The following P2RY12 variants were observed in gnomAD, a reference collection of about 807,000 sequenced individuals.
P2RY12 encodes P2Y purinoceptor 12.
A neutral mutation model predicts 4.5 loss-of-function variants in P2RY12; 3 were observed. The observed-to-expected ratio is 0.67, with a 90% CI of 0.31 to 1.74. P2RY12 has a LOEUF of 1.74. Ranked by LOEUF, P2RY12 falls within the 40% of genes most tolerant of loss-of-function variation. The probability of loss-of-function intolerance (pLI) is 0.09; values close to 1 mark genes in which losing one functional copy is unlikely to be tolerated. For missense variants in P2RY12, 356 were observed against 407.8 expected (o/e 0.87, Z 1.09); for synonymous variants, 148 against 154.1 (o/e 0.96, Z 0.29).
At chr3:151,370,909 C>T (rs564498621) in intron 1 of P2RY12, among the ~76,000 whole-genome samples, 2 of 152,324 alleles carry the variant, frequency 1.3e-5, no homozygotes, top group African/African-American at 4.8e-5. Flanking sequence ...AATTTGCCCA[C>T]CTCTTCATCC....
chr3:151,354,577 T>C (rs1408375701), intron 1 of P2RY12, among the ~76,000 whole-genome samples: 2 of 152,280 alleles, frequency 1.3e-5, no homozygotes, highest in Admixed American at 6.5e-5. Context: ...CCCACCTTCA[T>C]TGTGGATATC....
intron 1 of P2RY12, among the ~76,000 whole-genome samples, chr3:151,382,176 C>A (rs1244103914): frequency 6.6e-6 from 1 of 151,944 alleles, no homozygotes; most frequent in East Asian, 1.9e-4. Flanking sequence ...TTTCAAAGTA[C>A]CGTGCGTTCT....
intron 1 of P2RY12, chr3:151,369,342 A>T: frequency 1.3e-6 from 1 of 773,660 alleles, no homozygotes; most frequent in South Asian, 2.2e-5. Context: ...TTAAGCACCC[A>T]CAGTCTAACA....
intron 1 of P2RY12, among the ~76,000 whole-genome samples, chr3:151,348,152 A>G (rs1167823885): frequency 6.6e-6 from 1 of 152,176 alleles, no homozygotes; most frequent in African/African-American, 2.4e-5. Flanking sequence ...GATATTCTAT[A>G]AACAGTTACT....
chr3:151,355,996 A>C, intron 1 of P2RY12: 1 of 1,614,018 alleles, frequency 6.2e-7, no homozygotes, highest in Non-Finnish European at 8.5e-7. Context: ...GATCTCATGG[A>C]GCCAGCACTG....
At chr3:151,360,179 C>A (rs190077658) in intron 1 of P2RY12, among the ~76,000 whole-genome samples, 77 of 152,202 alleles carry the variant, frequency 5.1e-4, no homozygotes, top group African/African-American at 1.8e-3. Flanking sequence ...TGTCTCAGTC[C>A]CAGCAACTTA....
intron 1 of P2RY12, among the ~76,000 whole-genome samples, chr3:151,352,201 A>G (rs1753318312): frequency 6.6e-6 from 1 of 152,062 alleles, no homozygotes; most frequent in South Asian, 2.1e-4. Context: ...CTACATTTTG[A>G]CTGTGACCTG....
intron 1 of P2RY12, among the ~76,000 whole-genome samples, chr3:151,383,556 G>A (rs1358919803): frequency 3.9e-5 from 6 of 152,148 alleles, no homozygotes; most frequent in African/African-American, 1.4e-4. Flanking sequence ...AGATACTCAC[G>A]TCCCTTCTTC....
At chr3:151,365,087 A>G in intron 1 of P2RY12, 5 of 1,614,134 alleles carry the variant, frequency 3.1e-6, no homozygotes, top group Non-Finnish European at 4.2e-6. Context: ...AGAATCCCTC[A>G]GCCCGCAGCA....
intron 1 of P2RY12, among the ~76,000 whole-genome samples, chr3:151,384,475 T>A (rs1391082088): frequency 6.6e-6 from 1 of 152,182 alleles, no homozygotes; most frequent in East Asian, 1.9e-4. Flanking sequence ...CACTGTTAAA[T>A]ATATAACCAG....
intron 1 of P2RY12, chr3:151,372,435 T>G: frequency 1.5e-6 from 1 of 665,300 alleles, no homozygotes; most frequent in Admixed American, 2.5e-5. Flanking sequence ...TCTCTATTCC[T>G]GAACAACTGG....
At chr3:151,367,784 A>T in intron 1 of P2RY12, 4 of 1,593,702 alleles carry the variant, frequency 2.5e-6, no homozygotes, top group Non-Finnish European at 3.4e-6. Flanking sequence ...AGCATCCATG[A>T]ACATCCGTTG....
At chr3:151,365,036 G>A (rs199576123) in intron 1 of P2RY12, 6 of 1,613,974 alleles carry the variant, frequency 3.7e-6, no homozygotes, top group South Asian at 1.1e-5. Context: ...CTGCAAATTC[G>A]AACTTGCGAT....
At chr3:151,358,029 G>T (rs1310394905) in intron 1 of P2RY12, among the ~76,000 whole-genome samples, 3 of 152,092 alleles carry the variant, frequency 2.0e-5, no homozygotes, top group African/African-American at 7.2e-5. Flanking sequence ...AACACAGAAA[G>T]ACAACCTGTT....
rs576397095 is a variant in P2RY12 at position 151,337,581 on chromosome 3, A to G, written c.*236T>C. 3 of 492,650 alleles carry G rather than the reference A, an allele frequency of 6.1e-6. No homozygotes were observed. Among genetic ancestry groups the G allele is most frequent in the Admixed American group, 7.7e-5 (2 of 26,052 alleles). 30.5% of individuals were successfully genotyped at this position (492,650 alleles called of 1,614,324 possible). On this transcript the variant is annotated 3_prime_UTR_variant, in exon 3 of 3. Coordinates refer to ENST00000302632, the MANE Select transcript of P2RY12 (RefSeq NM_022788.5). ...GTGTAGTTTTGCATGCAGCATGACA[A>G]TTGGATGTCGTTTGTTTTGCTGCTA... is the stretch of plus-strand genomic sequence containing the variant.
intron 1 of P2RY12, chr3:151,365,871 C>G (rs773344053): frequency 1.2e-6 from 2 of 1,610,012 alleles, no homozygotes; most frequent in South Asian, 2.2e-5. Context: ...TAGCCAATTT[C>G]TCCTCTGAGC....
chr3:151,380,470 G>A (rs957790253), intron 1 of P2RY12, among the ~76,000 whole-genome samples: 4 of 151,864 alleles, frequency 2.6e-5, no homozygotes, highest in Admixed American at 6.6e-5. Flanking sequence ...GATGGTGTGC[G>A]CCTATGATCC....
rs1751092610 is a variant in P2RY12 at position 151,337,028 on chromosome 3, A to G, written c.*789T>C. The G allele has an allele frequency of 6.6e-6, 1 of 152,278 alleles. No homozygotes were observed. The highest frequency in any genetic ancestry group is 2.4e-5 in the African/African-American group (1 of 41,474). The allele number at this position is 152,278 out of a possible 1,614,324, so 9.4% of individuals were successfully genotyped here. A position where few individuals can be genotyped will look rare whatever the true frequency, so the allele number is the denominator to read the frequency against. ...ATTAGCAGCTATTTTCTAGAAGCTAATTAATAAAGGTAAGTGTCAATGATG... is the reference window on the plus strand; with the variant it reads ...ATTAGCAGCTATTTTCTAGAAGCTAGTTAATAAAGGTAAGTGTCAATGATG... On this transcript the variant is annotated 3_prime_UTR_variant, in exon 3 of 3. Transcript: ENST00000302632.
intron 1 of P2RY12, among the ~76,000 whole-genome samples, chr3:151,367,090 G>A (rs972435632): frequency 6.9e-6 from 1 of 144,178 alleles, no homozygotes; most frequent in African/African-American, 2.6e-5. Flanking sequence ...AGATTTCACT[G>A]TGACTGAATT....
Sources: gnomAD v4.1 joint callset for allele counts (sites outside exome capture counted in the v4.1 genomes callset) on GRCh38, gnomAD v4.1.1 for gene constraint, MANE v1.5 for transcripts, NCBI Gene and HGNC (gene_info 2026-07-23, HGNC 2026-07-21) for gene names.